The following CEP112 variants were observed in gnomAD, a reference collection of about 807,000 sequenced individuals.
CEP112 encodes the protein centrosomal protein of 112 kDa.
CEP112 carries 127 observed loss-of-function variants against 153.0 expected under a neutral mutation model. The observed-to-expected ratio is 0.83, with a 90% CI of 0.72 to 0.96. The LOEUF is 0.96. Among genes scored for constraint, CEP112 ranks in the 40% least tolerant of loss-of-function variants. CEP112 has a pLI of 0.00. For synonymous variants in CEP112, 358 were observed against 374.4 expected, an observed-to-expected ratio of 0.96 and a Z score of 0.51; for missense variants, 1,089 against 1,101.2, an observed-to-expected ratio of 0.99 and a Z score of 0.16.
At chr17:66,013,976 C>G (rs1008281497) in intron 16 of CEP112, among the ~76,000 whole-genome samples, 2 of 152,184 alleles carry the variant, frequency 1.3e-5, no homozygotes, top group African/African-American at 2.4e-5. Flanking sequence ...GGCCACTGGC[C>G]TTCCTGAGTG....
At position 66,029,953 on chromosome 17, in the gene CEP112, T is replaced by C. The variant is rs142887863; in HGVS notation, c.1289A>G (p.Gln430Arg). Reference protein sequence around the residue: ...LTGEAENSNLQRQKLIQEKAE... With the variant: ...LTGEAENSNLRRQKLIQEKAE... ...TTTTTCTTGAATTAATTTCTGCCTC[T>C]GTAAATTACTGTTCTCTGCTTCTCC... Residue 430 changes from glutamine to arginine, a missense_variant, in exon 13 of 27, where the codon CAG (glutamine) becomes CGG (arginine). Transcript: ENST00000535342. 110 of 1,613,772 alleles carry C rather than the reference T, an allele frequency of 6.8e-5. No individual in the cohort carries two copies. The African/African-American group carries it at 1.4e-3, about 21-fold the overall frequency.
chr17:65,681,675 A>ATTTT (rs5821583), intron 24 of CEP112, among the ~76,000 whole-genome samples: 6 of 133,470 alleles, frequency 4.5e-5, no homozygotes, highest in South Asian at 2.4e-4. Flanking sequence ...CCTTTTTTTA[A>ATTTT]TTTTTTTTTT....
chr17:65,812,041 T>C (rs914818261), intron 21 of CEP112, among the ~76,000 whole-genome samples: 1 of 152,122 alleles, frequency 6.6e-6, no homozygotes, highest in Non-Finnish European at 1.5e-5. Flanking sequence ...TCTCACTCCA[T>C]TGCCCAGGCT....
chr17:65,678,751 A>C (rs900938999), intron 24 of CEP112, among the ~76,000 whole-genome samples: 1 of 152,230 alleles, frequency 6.6e-6, no homozygotes, highest in Non-Finnish European at 1.5e-5. Flanking sequence ...GCAGTGATGC[A>C]GTCGGTGCTT....
chr17:65,845,996 G>C (rs181686165), intron 21 of CEP112, among the ~76,000 whole-genome samples: 53 of 152,264 alleles, frequency 3.5e-4, no homozygotes, highest in African/African-American at 1.3e-3. Flanking sequence ...AAGTGCTACT[G>C]AAACAACACA....
intron 19 of CEP112, among the ~76,000 whole-genome samples, chr17:65,923,036 T>A (rs1164620175): frequency 2.6e-5 from 4 of 152,182 alleles, no homozygotes; most frequent in Non-Finnish European, 5.9e-5. Flanking sequence ...GCACTTCAGA[T>A]AACAGTGTAT....
At chr17:65,819,249 T>C (rs2056416129) in intron 21 of CEP112, among the ~76,000 whole-genome samples, 1 of 151,974 alleles carries the variant, frequency 6.6e-6, no homozygotes, top group African/African-American at 2.4e-5. Flanking sequence ...TTTTCTTTTA[T>C]TTTCTGTTAG....
intron 24 of CEP112, among the ~76,000 whole-genome samples, chr17:65,643,134 G>A (rs554553998): frequency 5.8e-4 from 88 of 152,182 alleles, no homozygotes; most frequent in Non-Finnish European, 1.1e-3. Flanking sequence ...AATGGAGGGG[G>A]CTGAAGGAGT....
At chr17:65,685,845 G>A (rs556621610) in intron 24 of CEP112, among the ~76,000 whole-genome samples, 1 of 151,840 alleles carries the variant, frequency 6.6e-6, no homozygotes, top group South Asian at 2.1e-4. Flanking sequence ...GCTAATTTTT[G>A]TATTTTTAGT....
chr17:66,165,034 T>C (rs2071892652), intron 4 of CEP112, among the ~76,000 whole-genome samples: 1 of 150,424 alleles, frequency 6.6e-6, no homozygotes. Context: ...AAAAGGGAGC[T>C]GCCCGTGAAA....
At chr17:65,653,940 T>G (rs567243971) in intron 24 of CEP112, among the ~76,000 whole-genome samples, 3 of 150,762 alleles carry the variant, frequency 2.0e-5, no homozygotes, top group Admixed American at 6.6e-5. Flanking sequence ...GCACCTGTAG[T>G]CCCAGCTGCT....
chr17:66,102,410 T>C (rs979268081), intron 6 of CEP112, among the ~76,000 whole-genome samples: 3 of 151,992 alleles, frequency 2.0e-5, no homozygotes, highest in African/African-American at 7.2e-5. Context: ...TAAAGGAAAA[T>C]GAACAAAAAC....
At chr17:65,971,176 ATG>A (rs2062763637) in intron 17 of CEP112, among the ~76,000 whole-genome samples, 2 of 151,954 alleles carry the variant, frequency 1.3e-5, no homozygotes, top group South Asian at 4.1e-4. Context: ...TGTACAGCAC[ATG>A]TACAGCACAT....
intron 17 of CEP112, among the ~76,000 whole-genome samples, chr17:66,003,341 A>G (rs1247811198): frequency 6.6e-6 from 1 of 152,232 alleles, no homozygotes; most frequent in Admixed American, 6.5e-5. Flanking sequence ...AAAACTGCAG[A>G]AACTTCAGGG....
chr17:65,772,518 T>C (rs2053419980), intron 21 of CEP112, among the ~76,000 whole-genome samples: 1 of 151,800 alleles, frequency 6.6e-6, no homozygotes, highest in African/African-American at 2.4e-5. Context: ...CTCTTAAGTG[T>C]TAGAAATTAC....
At chr17:65,983,123 T>C (rs2063288269) in intron 17 of CEP112, among the ~76,000 whole-genome samples, 1 of 152,192 alleles carries the variant, frequency 6.6e-6, no homozygotes, top group Non-Finnish European at 1.5e-5. Context: ...ATGATGAAAG[T>C]GATCTGGAAC....
chr17:66,112,556 G>C (rs890457593), intron 6 of CEP112, among the ~76,000 whole-genome samples: 2 of 152,142 alleles, frequency 1.3e-5, no homozygotes, highest in African/African-American at 2.4e-5. Flanking sequence ...GTGGGTACAT[G>C]AATTGGTACT....
chr17:66,080,090 T>C (rs1173854300), intron 8 of CEP112, among the ~76,000 whole-genome samples: 2 of 152,118 alleles, frequency 1.3e-5, no homozygotes, highest in African/African-American at 2.4e-5. Flanking sequence ...ATTCAGGATA[T>C]AGACATGGGC....
At chr17:65,757,793 C>A (rs2052375963) in intron 21 of CEP112, among the ~76,000 whole-genome samples, 1 of 152,140 alleles carries the variant, frequency 6.6e-6, no homozygotes, top group African/African-American at 2.4e-5. Context: ...ACTTATCAGG[C>A]AAACTGTCCC....
Sources: allele counts gnomAD v4.1 joint callset (sites outside exome capture counted in the v4.1 genomes callset), GRCh38; gene constraint gnomAD v4.1.1; transcripts MANE v1.5; gene names NCBI Gene and HGNC (gene_info 2026-07-23, HGNC 2026-07-21).